DYM: variants seen among roughly 807,000 people sequenced by gnomAD.
DYM encodes dyggve-Melchior-Clausen syndrome protein.
DYM carries 78 observed loss-of-function variants against 93.1 expected under a neutral mutation model. That is an observed-to-expected ratio of 0.84 (90% CI 0.70 to 1.01). DYM has a LOEUF of 1.01. DYM is among the 50% of genes least tolerant of loss of function. The pLI is 0.00. For synonymous variants in DYM, 321 were observed against 319.7 expected, an observed-to-expected ratio of 1.00 and a Z score of -0.04; for missense variants, 789 against 845.0, an observed-to-expected ratio of 0.93 and a Z score of 0.82.
chr18:49,044,561 A>G (rs2071222053), intron 17 of DYM, among the ~76,000 whole-genome samples: 2 of 152,236 alleles, frequency 1.3e-5, no homozygotes, highest in Admixed American at 6.5e-5. Context: ...TATTCCCCAG[A>G]GTGCAATGCT....
At chr18:49,114,171 A>G (rs1446727182) in intron 16 of DYM, among the ~76,000 whole-genome samples, 1 of 152,252 alleles carries the variant, frequency 6.6e-6, no homozygotes, top group Non-Finnish European at 1.5e-5. Flanking sequence ...GAAACCTCTC[A>G]GCATCTTTAT....
At chr18:49,141,495 T>C (rs974850872) in intron 15 of DYM, among the ~76,000 whole-genome samples, 11 of 152,178 alleles carry the variant, frequency 7.2e-5, no homozygotes, top group South Asian at 4.1e-4. Flanking sequence ...CTCCAAACTA[T>C]ACTGGCCTGC....
At position 49,265,635 on chromosome 18, in the gene DYM, G is replaced by A. The variant is rs532254900; in HGVS notation, c.1251+6543C>T. Among the ~76,000 whole-genome samples, 132 of 151,848 alleles carry A rather than the reference G, an allele frequency of 8.7e-4. 4 individuals carry two copies. In the South Asian group the frequency reaches 0.013, roughly 15 times the overall value. On this transcript the variant is annotated intron_variant, in intron 11 of 17. Transcript: ENST00000675505. ...CTCTACTTAAAATACAAAATTAGCC[G>A]GGTGTGGTGGCGGGCGCCTGTAATC...
chr18:49,437,057 C>T (rs2080922712), intron 1 of DYM, among the ~76,000 whole-genome samples: 1 of 152,062 alleles, frequency 6.6e-6, no homozygotes, highest in Non-Finnish European at 1.5e-5. Context: ...CAAAATTTGT[C>T]AGATGTTTCT....
intron 11 of DYM, among the ~76,000 whole-genome samples, chr18:49,271,392 G>A (rs1417874700): frequency 6.6e-6 from 1 of 152,118 alleles, no homozygotes; most frequent in East Asian, 1.9e-4. Context: ...AAAAGTCTGT[G>A]TGCCGACAAG....
intron 17 of DYM, among the ~76,000 whole-genome samples, chr18:49,069,239 A>T (rs1161550144): frequency 6.6e-6 from 1 of 152,250 alleles, no homozygotes; most frequent in Non-Finnish European, 1.5e-5. Flanking sequence ...GTCAGCATTT[A>T]CAAGAATCTT....
intron 2 of DYM, among the ~76,000 whole-genome samples, chr18:49,419,295 G>C (rs944673867): frequency 6.6e-6 from 1 of 152,056 alleles, no homozygotes; most frequent in Non-Finnish European, 1.5e-5. Context: ...GGAGGCGGAG[G>C]TCGCAGTGAG....
intron 6 of DYM, among the ~76,000 whole-genome samples, chr18:49,337,785 C>T (rs1568276127): frequency 2.0e-5 from 3 of 152,064 alleles, no homozygotes; most frequent in African/African-American, 4.8e-5. Context: ...TAACAGCAAC[C>T]AATTCTGCCT....
intron 10 of DYM, among the ~76,000 whole-genome samples, chr18:49,278,755 G>T (rs1036207753): frequency 6.6e-6 from 1 of 152,104 alleles, no homozygotes; most frequent in African/African-American, 2.4e-5. Context: ...AAAGGCAGAG[G>T]CAAAAGATGG....
intron 8 of DYM, among the ~76,000 whole-genome samples, chr18:49,303,549 G>A (rs2061080820): frequency 6.6e-6 from 1 of 152,178 alleles, no homozygotes; most frequent in Non-Finnish European, 1.5e-5. Context: ...TGTATGGAAT[G>A]ATTAAAAGCT....
At chr18:49,189,258 A>G (rs1326574954) in intron 14 of DYM, among the ~76,000 whole-genome samples, 1 of 152,202 alleles carries the variant, frequency 6.6e-6, no homozygotes, top group Non-Finnish European at 1.5e-5. Context: ...CCTCAGCATC[A>G]TGCAATATAT....
intron 1 of DYM, among the ~76,000 whole-genome samples, chr18:49,438,327 C>T (rs1436522223): frequency 6.6e-6 from 1 of 152,076 alleles, no homozygotes. Context: ...AGTACAGTGC[C>T]TCCTTCCCCG....
intron 5 of DYM, chr18:49,368,475 A>AT (rs1465074516): frequency 2.5e-4 from 38 of 152,258 alleles, no homozygotes; most frequent in African/African-American, 8.9e-4. Flanking sequence ...TCTGGGCCAC[A>AT]TTTTTCCATA....
At chr18:49,330,636 C>A (rs1031888479) in intron 8 of DYM, among the ~76,000 whole-genome samples, 1 of 151,926 alleles carries the variant, frequency 6.6e-6, no homozygotes, top group Non-Finnish European at 1.5e-5. Context: ...TCTCTGCCAC[C>A]CCAAAAAAAC....
intron 11 of DYM, among the ~76,000 whole-genome samples, chr18:49,266,352 A>T (rs1311730620): frequency 2.6e-5 from 4 of 152,160 alleles, no homozygotes; most frequent in African/African-American, 9.7e-5. Flanking sequence ...ATGGTGGCTC[A>T]CACCTGTAAT....
chr18:49,257,633 C>G (rs959999035), intron 12 of DYM, among the ~76,000 whole-genome samples: 5 of 150,520 alleles, frequency 3.3e-5, no homozygotes. Flanking sequence ...GACAAGAGTT[C>G]AAAACCAATT....
At chr18:49,415,433 T>C (rs961657371) in intron 2 of DYM, among the ~76,000 whole-genome samples, 1 of 151,106 alleles carries the variant, frequency 6.6e-6, no homozygotes. Flanking sequence ...TTTATCTTTT[T>C]TTTTTTTTGC....
At chr18:49,129,695 G>T (rs1458147946) in intron 15 of DYM, among the ~76,000 whole-genome samples, 7 of 152,120 alleles carry the variant, frequency 4.6e-5, no homozygotes, top group Non-Finnish European at 1.0e-4. Flanking sequence ...TGGAGCAGGC[G>T]ACTGAAGAGG....
At chr18:49,197,775 G>A (rs1368606597) in intron 14 of DYM, among the ~76,000 whole-genome samples, 1 of 152,112 alleles carries the variant, frequency 6.6e-6, no homozygotes, top group Admixed American at 6.5e-5. Flanking sequence ...TGGGTAGGAA[G>A]AATCAATATC....
Sources: gnomAD v4.1 joint callset for allele counts (sites outside exome capture counted in the v4.1 genomes callset) on GRCh38, gnomAD v4.1.1 for gene constraint, MANE v1.5 for transcripts, NCBI Gene and HGNC (gene_info 2026-07-23, HGNC 2026-07-21) for gene names.